DLC1: variants seen among roughly 807,000 people sequenced by gnomAD.
DLC1 encodes the protein DLC1 Rho GTPase activating protein.
Under a neutral mutation model 140.3 loss-of-function variants are expected in DLC1, and 54 were observed. That is an observed-to-expected ratio of 0.38 (90% CI 0.31 to 0.48). The LOEUF is 0.48. Ranked by LOEUF, DLC1 falls within the 20% of genes least tolerant of loss-of-function variation. The probability of loss-of-function intolerance (pLI) is 0.96; values close to 1 mark genes in which losing one functional copy is unlikely to be tolerated. For missense variants in DLC1, 2,536 were observed against 1,907.0 expected (o/e 1.33, Z -6.14); for synonymous variants, 986 against 728.1 (o/e 1.35, Z -5.70).
intron 2 of DLC1, among the ~76,000 whole-genome samples, chr8:13,450,934 G>C (rs896536429): frequency 2.0e-5 from 3 of 149,890 alleles, no homozygotes; most frequent in African/African-American, 4.9e-5. Context: ...AGCTACTCTG[G>C]AGGCTGAGGC....
chr8:13,404,965 C>T (rs1241168759), intron 2 of DLC1, among the ~76,000 whole-genome samples: 3 of 151,956 alleles, frequency 2.0e-5, no homozygotes, highest in Non-Finnish European at 4.4e-5. Context: ...CAAGATCGTG[C>T]CATTGTACTC....
intron 2 of DLC1, among the ~76,000 whole-genome samples, chr8:13,452,082 T>A (rs1799089254): frequency 6.6e-6 from 1 of 152,048 alleles, no homozygotes; most frequent in African/African-American, 2.4e-5. Context: ...CCAATTTTAT[T>A]TGAGAGATAG....
At chr8:13,444,987 G>T (rs1224275027) in intron 2 of DLC1, among the ~76,000 whole-genome samples, 3 of 152,098 alleles carry the variant, frequency 2.0e-5, no homozygotes, top group Non-Finnish European at 2.9e-5. Context: ...GAACGAAAAA[G>T]GCAGGATGAT....
chr8:13,284,144 C>T (rs1167255851), intron 5 of DLC1, among the ~76,000 whole-genome samples: 1 of 152,162 alleles, frequency 6.6e-6, no homozygotes, highest in Non-Finnish European at 1.5e-5. Context: ...TAGATATAAT[C>T]CCCAGAAGAG....
chr8:13,213,596 C>A (rs550012984), intron 5 of DLC1, among the ~76,000 whole-genome samples: 46 of 152,102 alleles, frequency 3.0e-4, no homozygotes, highest in Middle Eastern at 6.4e-3. Context: ...CTTTCATTTC[C>A]GGCGAAAGAA....
At chr8:13,164,314 A>C (rs541760707) in intron 5 of DLC1, among the ~76,000 whole-genome samples, 1,589 of 148,802 alleles carry the variant, frequency 0.011, 19 homozygotes, top group South Asian at 0.038. Context: ...AAAAATCTCT[A>C]TATCTATCTA....
chr8:13,237,460 T>C (rs920293778), intron 5 of DLC1, among the ~76,000 whole-genome samples: 8 of 151,928 alleles, frequency 5.3e-5, no homozygotes, highest in Non-Finnish European at 1.0e-4. Flanking sequence ...TTTATTATGA[T>C]GATTATTTCT....
intron 5 of DLC1, among the ~76,000 whole-genome samples, chr8:13,286,741 A>C (rs577590775): frequency 2.0e-5 from 3 of 151,942 alleles, no homozygotes; most frequent in Non-Finnish European, 2.9e-5. Context: ...AAAAAAAAAA[A>C]ACACATGAAA....
chr8:13,584,706 G>A (rs1805239187), intron 1 of DLC1, among the ~76,000 whole-genome samples: 1 of 152,126 alleles, frequency 6.6e-6, no homozygotes, highest in Non-Finnish European at 1.5e-5. Flanking sequence ...GAGTGCAGAG[G>A]TAGGCACATT....
chr8:13,279,508 C>G (rs1450676503), intron 5 of DLC1, among the ~76,000 whole-genome samples: 1 of 152,112 alleles, frequency 6.6e-6, no homozygotes, highest in African/African-American at 2.4e-5. Flanking sequence ...ATTTTCTTGG[C>G]AGAGTATTTC....
chr8:13,312,598 G>GT (rs1300832846), intron 4 of DLC1, among the ~76,000 whole-genome samples: 1 of 151,632 alleles, frequency 6.6e-6, no homozygotes, highest in African/African-American at 2.4e-5. Context: ...CTTTCTCTAT[G>GT]TTACTATTAA....
At chr8:13,120,372 A>T (rs972543872) in intron 5 of DLC1, among the ~76,000 whole-genome samples, 19 of 95,956 alleles carry the variant, frequency 2.0e-4, no homozygotes, top group African/African-American at 4.8e-4. Flanking sequence ...TATATATATA[A>T]AATGTATATT....
At chr8:13,401,918 T>G (rs1448466574) in intron 2 of DLC1, among the ~76,000 whole-genome samples, 1 of 152,210 alleles carries the variant, frequency 6.6e-6, no homozygotes, top group African/African-American at 2.4e-5. Flanking sequence ...TACCTATTTT[T>G]GGGAAAGGTT....
At chr8:13,277,770 C>T (rs1300578832) in intron 5 of DLC1, among the ~76,000 whole-genome samples, 1 of 152,088 alleles carries the variant, frequency 6.6e-6, no homozygotes, top group South Asian at 2.1e-4. Flanking sequence ...CATAAGACAT[C>T]TAAAGGCCAG....
chr8:13,586,749 C>T (rs1340094778), intron 1 of DLC1, among the ~76,000 whole-genome samples: 1 of 151,966 alleles, frequency 6.6e-6, no homozygotes, highest in African/African-American at 2.4e-5. Flanking sequence ...AGAATGTTGA[C>T]ATCAATCCAG....
intron 4 of DLC1, among the ~76,000 whole-genome samples, chr8:13,376,738 A>G (rs952109330): frequency 6.6e-6 from 1 of 152,174 alleles, no homozygotes; most frequent in Non-Finnish European, 1.5e-5. Flanking sequence ...TGGAAAAGTA[A>G]ATTCCTGCTT....
chr8:13,086,518 A>G (rs1817577864), intron 16 of DLC1, 55 bp from the exon 17 acceptor site: 2 of 1,591,026 alleles, frequency 1.3e-6, no homozygotes, highest in South Asian at 1.1e-5. Flanking sequence ...AGCCAAGTTT[A>G]AAATCGTGCT....
chr8:13,095,104 C>A lies in DLC1; in HGVS notation c.3309G>T (p.Arg1103=). ...CTCTCACCTGATCCAAACAATGGTT[C>A]CGGAGGTATCGCATGGCCTGCTGGA... The part of the protein sequence containing the change: ...QSIQQAMRYL[R]NHCLDQVGLF... The change falls in exon 11 of 18, where the codon CGG becomes CGT. Residue 1103 remains arginine (R), a synonymous_variant. Transcript: ENST00000276297. 6.2e-7 allele frequency: 1 copy of A among 1,614,250 alleles called. No homozygotes were observed. Among genetic ancestry groups the A allele is most frequent in the Non-Finnish European group, 8.5e-7 (1 of 1,180,044 alleles).
intron 5 of DLC1, among the ~76,000 whole-genome samples, chr8:13,134,333 C>T (rs1420283372): frequency 1.3e-5 from 2 of 152,176 alleles, no homozygotes; most frequent in Non-Finnish European, 2.9e-5. Context: ...ACAGAAAGAG[C>T]ATTTACTATG....
Sources: allele counts gnomAD v4.1 joint callset (sites outside exome capture counted in the v4.1 genomes callset), GRCh38; gene constraint gnomAD v4.1.1; transcripts MANE v1.5; gene names NCBI Gene and HGNC (gene_info 2026-07-23, HGNC 2026-07-21).